The following NUDCD1 variants were observed in gnomAD, a reference collection of about 807,000 sequenced individuals.
The protein encoded by NUDCD1 is nudC domain-containing protein 1.
Under a neutral mutation model 67.8 loss-of-function variants are expected in NUDCD1, and 60 were observed. That is an observed-to-expected ratio of 0.88 (90% CI 0.72 to 1.10). NUDCD1 has a LOEUF of 1.10. NUDCD1 is among the 50% of genes least tolerant of loss of function. The pLI is 0.00. For synonymous variants in NUDCD1, 244 were observed against 230.8 expected, an observed-to-expected ratio of 1.06 and a Z score of -0.52; for missense variants, 643 against 695.0, an observed-to-expected ratio of 0.93 and a Z score of 0.84.
intron 4 of NUDCD1, among the ~76,000 whole-genome samples, chr8:109,293,101 A>T (rs1814747401): frequency 6.6e-6 from 1 of 152,100 alleles, no homozygotes. Context: ...CAAAACTTAT[A>T]TAACAATGTC....
intron 2 of NUDCD1, among the ~76,000 whole-genome samples, chr8:109,305,349 C>G (rs924708169): frequency 1.3e-5 from 2 of 152,108 alleles, no homozygotes; most frequent in Non-Finnish European, 2.9e-5. Context: ...GCCTTCCCAC[C>G]TCTATACTAG....
Position 109,243,069 on chromosome 8 carries a change from C to G in NUDCD1, c.1692G>C (p.Glu564Asp). ...TTTTGGTAGTAAGAACAAATAATCT[C>G]TCATTTGTTGCCTGAAATCCTAAAA... ...DPILGFQATN[E>D]RLFVLTTKNL... The change falls in exon 10 of 10, where the codon GAG (glutamate) becomes GAC (aspartate). Residue 564 changes from glutamate (E) to aspartate (D), a missense_variant. By Grantham distance (45) the Glu-to-Asp change is conservative. Transcript: ENST00000239690. The G allele has an allele frequency of 6.2e-7, 1 of 1,607,934 alleles. No individual in the cohort carries two copies. The highest frequency in any genetic ancestry group is 1.1e-5 in the South Asian group (1 of 90,938).
chr8:109,280,967 C>G lies in NUDCD1; in HGVS notation c.1028+1G>C. 7.0e-7 allele frequency: 1 copy of G among 1,425,694 alleles called. No homozygotes were observed. The highest frequency in any genetic ancestry group is 9.6e-7 in the Non-Finnish European group (1 of 1,037,944). 88.3% of individuals were successfully genotyped at this position (1,425,694 alleles called of 1,614,324 possible). On this transcript the variant is annotated splice_donor_variant, in intron 6 of 9. Transcript: ENST00000239690. LOFTEE classifies it high-confidence loss of function. ...ATTAAAGTAAAATTAAAAAAAAATA[C>G]CTATTACTCTCTTTAATTATCCATG...
intron 2 of NUDCD1, among the ~76,000 whole-genome samples, chr8:109,321,111 A>T (rs1418018943): frequency 6.6e-6 from 1 of 152,254 alleles, no homozygotes; most frequent in Non-Finnish European, 1.5e-5. Flanking sequence ...AGGAAATATT[A>T]AAAGAATTTT....
chr8:109,287,638 GA>G (rs1442313835), intron 5 of NUDCD1, among the ~76,000 whole-genome samples: 4 of 152,160 alleles, frequency 2.6e-5, no homozygotes, highest in African/African-American at 9.7e-5. Flanking sequence ...GGGACTACTA[GA>G]GGGGGTAGAA....
chr8:109,303,210 G>C (rs1406755424), intron 2 of NUDCD1, among the ~76,000 whole-genome samples: 1 of 152,156 alleles, frequency 6.6e-6, no homozygotes, highest in African/African-American at 2.4e-5. Flanking sequence ...GCCACTCCCA[G>C]AGCCCCTGGA....
intron 7 of NUDCD1, among the ~76,000 whole-genome samples, chr8:109,274,886 G>C (rs572408388): frequency 9.5e-4 from 144 of 152,166 alleles, no homozygotes; most frequent in Non-Finnish European, 1.7e-3. Context: ...TAAGTATTGT[G>C]TTGTCACTGT....
intron 8 of NUDCD1, among the ~76,000 whole-genome samples, chr8:109,258,272 A>C (rs2129905352): frequency 6.6e-6 from 1 of 152,292 alleles, no homozygotes; most frequent in East Asian, 1.9e-4. Context: ...ATTTGTTGAA[A>C]AGACCATCCT....
chr8:109,280,426 C>T (rs1814405895), intron 6 of NUDCD1, among the ~76,000 whole-genome samples: 1 of 152,150 alleles, frequency 6.6e-6, no homozygotes, highest in Admixed American at 6.5e-5. Context: ...GGATTACAGG[C>T]GTGAGCCACT....
chr8:109,311,729 C>A (rs547470857), intron 2 of NUDCD1, among the ~76,000 whole-genome samples: 1 of 151,704 alleles, frequency 6.6e-6, no homozygotes, highest in East Asian at 1.9e-4. Context: ...TATGAGGATG[C>A]AAAAGCATAA....
chr8:109,304,233 T>C (rs1355832059), intron 2 of NUDCD1, among the ~76,000 whole-genome samples: 2 of 152,168 alleles, frequency 1.3e-5, no homozygotes, highest in African/African-American at 4.8e-5. Context: ...AGCCTTTCTG[T>C]CCAAACAACT....
intron 2 of NUDCD1, chr8:109,298,548 A>T (rs2130051957): frequency 6.6e-6 from 1 of 152,242 alleles, no homozygotes; most frequent in East Asian, 1.9e-4. Flanking sequence ...TTAAAGGAAA[A>T]GGAAAATAAT....
intron 8 of NUDCD1, among the ~76,000 whole-genome samples, chr8:109,246,221 C>T (rs543955679): frequency 1.3e-5 from 2 of 152,302 alleles, no homozygotes; most frequent in East Asian, 3.9e-4. Flanking sequence ...AGAATACACA[C>T]ATGAAGTTTA....
chr8:109,279,472 T>C (rs1814378172), intron 6 of NUDCD1, among the ~76,000 whole-genome samples: 1 of 146,956 alleles, frequency 6.8e-6, no homozygotes, highest in Non-Finnish European at 1.5e-5. Context: ...AAGGCTTCCT[T>C]ATACACTAAG....
chr8:109,315,047 T>C (rs996603508), intron 2 of NUDCD1, among the ~76,000 whole-genome samples: 2 of 152,190 alleles, frequency 1.3e-5, no homozygotes, highest in Non-Finnish European at 2.9e-5. Context: ...TAAAAGGCAG[T>C]GATCTTTTTC....
chr8:109,249,868 T>C (rs763299824), intron 8 of NUDCD1, among the ~76,000 whole-genome samples: 4 of 138,696 alleles, frequency 2.9e-5, no homozygotes, highest in Non-Finnish European at 3.1e-5. Context: ...TTTTTTGAGA[T>C]GGGGTCTCAC....
chr8:109,319,085 T>G (rs190556716), intron 2 of NUDCD1, among the ~76,000 whole-genome samples: 1 of 151,828 alleles, frequency 6.6e-6, no homozygotes, highest in South Asian at 2.1e-4. Flanking sequence ...GCCATTCTCC[T>G]GCCTCAGCCT....
intron 2 of NUDCD1, among the ~76,000 whole-genome samples, chr8:109,313,582 C>A (rs773586255): frequency 6.6e-6 from 1 of 152,066 alleles, no homozygotes; most frequent in Non-Finnish European, 1.5e-5. Flanking sequence ...GTGTGATATA[C>A]GTAATTTTAA....
chr8:109,262,377 G>A lies in NUDCD1; in HGVS notation c.1299+8628C>T, dbSNP rs538557884. 2.1e-4 allele frequency among the ~76,000 whole-genome samples: 32 copies of A among 152,336 alleles called. 1 individual carries two copies. Among genetic ancestry groups the A allele is most frequent in the African/African-American group, 7.2e-4 (30 of 41,574 alleles). The stretch of plus-strand genomic sequence containing the variant: ...GTGTTCTCAGAAAGCTGTTGTAAAA[G>A]TATGACAGGACTTCCTTTTCTACAG... On this transcript the variant is annotated intron_variant, in intron 8 of 9. Transcript: ENST00000239690.
Sources: gnomAD v4.1 joint callset for allele counts (sites outside exome capture counted in the v4.1 genomes callset) on GRCh38, gnomAD v4.1.1 for gene constraint, MANE v1.5 for transcripts, NCBI Gene and HGNC (gene_info 2026-07-23, HGNC 2026-07-21) for gene names.